The following FRRS1 variants were observed in gnomAD, a reference collection of about 807,000 sequenced individuals.
The protein encoded by FRRS1 is ferric reductase 1.
In FRRS1, 51 loss-of-function variants were observed where a neutral mutation model predicts 70.7. That is an observed-to-expected ratio of 0.72 (90% CI 0.58 to 0.91). The LOEUF is 0.91. Among genes scored for constraint, FRRS1 ranks in the 40% least tolerant of loss-of-function variants. The pLI is 0.00. For missense variants in FRRS1, 672 were observed against 726.0 expected (o/e 0.93, Z 0.86); for synonymous variants, 225 against 238.7 (o/e 0.94, Z 0.53).
At chr1:99,730,626 G>A (rs1655314846) in intron 7 of FRRS1, among the ~76,000 whole-genome samples, 1 of 152,084 alleles carries the variant, frequency 6.6e-6, no homozygotes. Flanking sequence ...CCAGCACTTT[G>A]GGAGGCCAAG....
Position 99,704,569 on chromosome 1 carries a change from A to AT in FRRS1, c.*4458_*4459insA, listed in dbSNP as rs1299064787. Among the ~76,000 whole-genome samples the AT allele has an allele frequency of 6.6e-6, 1 of 152,152 alleles. No individual in the cohort carries two copies. The highest frequency in any genetic ancestry group is 2.4e-5 in the African/African-American group (1 of 41,432). On this transcript the variant is annotated 3_prime_UTR_variant, in exon 17 of 17. Coordinates refer to ENST00000646001, the MANE Select transcript of FRRS1 (RefSeq NM_001361041.2). ...AGTGAGGACAGGCACCCCTGCCTTC[A>AT]GCGCCCAAATGTTGCATTTCCTAAG...
At chr1:99,763,577 G>A (rs528380133) in intron 1 of FRRS1, among the ~76,000 whole-genome samples, 4 of 152,116 alleles carry the variant, frequency 2.6e-5, no homozygotes, top group Non-Finnish European at 5.9e-5. Flanking sequence ...TTCTAGAAAT[G>A]TATCTTACAG....
chr1:99,758,625 G>C (rs549086094), intron 1 of FRRS1, among the ~76,000 whole-genome samples: 9 of 152,246 alleles, frequency 5.9e-5, no homozygotes, highest in Admixed American at 5.2e-4. Flanking sequence ...TGTTTGAACA[G>C]TATGAAATCA....
intron 9 of FRRS1, among the ~76,000 whole-genome samples, chr1:99,724,416 CAT>C (rs1654982404): frequency 6.6e-6 from 1 of 152,200 alleles, no homozygotes; most frequent in African/African-American, 2.4e-5. Context: ...CAGTATTTCA[CAT>C]GACTGCTTAT....
At chr1:99,762,181 A>G (rs1430267060) in intron 1 of FRRS1, among the ~76,000 whole-genome samples, 1 of 152,224 alleles carries the variant, frequency 6.6e-6, no homozygotes, top group Non-Finnish European at 1.5e-5. Flanking sequence ...CATGATTTGA[A>G]TTGGAGCAAT....
chr1:99,720,009 G>C (rs560903714), intron 9 of FRRS1, among the ~76,000 whole-genome samples: 2 of 152,050 alleles, frequency 1.3e-5, no homozygotes, highest in Non-Finnish European at 2.9e-5. Context: ...TATTGAAAGA[G>C]AATACATATT....
chr1:99,743,791 C>T (rs910861345), intron 4 of FRRS1, among the ~76,000 whole-genome samples: 13 of 152,268 alleles, frequency 8.5e-5, no homozygotes, highest in African/African-American at 3.1e-4. Context: ...CTCAAGCAAT[C>T]CACCAGCCTC....
chr1:99,712,510 T>C lies in FRRS1; in HGVS notation c.1329A>G (p.Ala443=). ...TACAGCCGAGGTATGGGTGGTAACCTGCATGCTAAACAAAGTTACATCATT... is the reference window on the plus strand; with the variant it reads ...TACAGCCGAGGTATGGGTGGTAACCCGCATGCTAAACAAAGTTACATCATT... ...FIYRGGWSRH[A]GYHPYLGCIV... The change falls in exon 13 of 17, where the codon GCA becomes GCG. Residue 443 remains alanine (A), a synonymous_variant. Transcript: ENST00000646001. 1.9e-6 allele frequency: 3 copies of C among 1,591,704 alleles called. No individual in the cohort carries two copies. Among genetic ancestry groups the C allele is most frequent in the Non-Finnish European group, 2.6e-6 (3 of 1,169,776 alleles).
rs1654107010 is a variant in FRRS1 at position 99,708,593 on chromosome 1, G to A, written c.*435C>T. ...AGCCTGGGCGACAGAGCAAGACTCT[G>A]TCTCAAAAAAAAAAAAAAAAAAAAA... On this transcript the variant is annotated 3_prime_UTR_variant, in exon 17 of 17. Coordinates refer to ENST00000646001, the MANE Select transcript of FRRS1 (RefSeq NM_001361041.2). The A allele has an allele frequency of 4.7e-5, 2 of 42,980 alleles. No individual in the cohort carries two copies. The highest frequency in any genetic ancestry group is 9.6e-4 in the East Asian group (1 of 1,042). The allele number at this position is 42,980 out of a possible 1,614,324, so 2.7% of individuals were successfully genotyped here.
At chr1:99,713,786 G>A (rs1455048807) in intron 12 of FRRS1, among the ~76,000 whole-genome samples, 1 of 152,112 alleles carries the variant, frequency 6.6e-6, no homozygotes, top group Admixed American at 6.5e-5. Context: ...TAGTAGTGTT[G>A]GAAGGGAGAT....
chr1:99,763,193 C>G (rs1053847740), intron 1 of FRRS1, among the ~76,000 whole-genome samples: 1 of 152,130 alleles, frequency 6.6e-6, no homozygotes, highest in African/African-American at 2.4e-5. Context: ...AATGTGCCAT[C>G]TGCTATTCCA....
At chr1:99,719,407 CAAAAAAAAA>C in intron 10 of FRRS1, 118 bp downstream of exon 10, 1 of 388,432 alleles carries the variant, frequency 2.6e-6, no homozygotes, top group Non-Finnish European at 4.3e-6. Flanking sequence ...GACTCCATCT[CAAAAAAAAA>C]AAAAAAAAAA....
chr1:99,735,339 T>G (rs997060929), intron 7 of FRRS1, among the ~76,000 whole-genome samples: 3 of 152,184 alleles, frequency 2.0e-5, no homozygotes, highest in Non-Finnish European at 4.4e-5. Flanking sequence ...CACATTTTGA[T>G]TTTAGTGATG....
intron 1 of FRRS1, chr1:99,765,543 G>C (rs1571168404): frequency 6.6e-6 from 1 of 152,154 alleles, no homozygotes; most frequent in Middle Eastern, 3.4e-3. Flanking sequence ...AGAGGTTGCA[G>C]TGAGCCGAAA....
intron 12 of FRRS1, among the ~76,000 whole-genome samples, chr1:99,714,034 G>T (rs1463576112): frequency 6.6e-6 from 1 of 152,138 alleles, no homozygotes; most frequent in East Asian, 1.9e-4. Context: ...GAAGGAGATG[G>T]ACTAGAAGGA....
chr1:99,713,431 T>A (rs1376382473), intron 12 of FRRS1, among the ~76,000 whole-genome samples: 1 of 152,224 alleles, frequency 6.6e-6, no homozygotes, highest in African/African-American at 2.4e-5. Context: ...TCTCAATTCA[T>A]ATCACAAAAT....
chr1:99,747,472 A>G, intron 3 of FRRS1, 42 bp from the exon 4 acceptor site: 3 of 1,577,656 alleles, frequency 1.9e-6, no homozygotes, highest in Middle Eastern at 3.4e-4. Context: ...GCTTAGTAAT[A>G]TCAAAAAAAA....
intron 12 of FRRS1, 104 bp downstream of exon 12, chr1:99,715,482 A>T (rs1435864816): frequency 1.6e-5 from 11 of 701,570 alleles, no homozygotes; most frequent in Non-Finnish European, 2.8e-5. Context: ...AGAAAGAGGG[A>T]TCAATGCTGA....
chr1:99,719,555 C>T lies in FRRS1; in HGVS notation c.1099G>A (p.Val367Ile). The change falls in exon 10 of 17, where the codon GTA (valine) becomes ATA (isoleucine). Residue 367 changes from valine to isoleucine, a missense_variant. Transcript: ENST00000646001. ...CTACCATGAACCTTCAGAAGGAGTA[C>T]AGAATGGGATCCTCCTATGTTCTTT... Reference protein sequence around the residue: ...SPKNIGGSHSVLLLKVHGALM... With the variant: ...SPKNIGGSHSILLLKVHGALM... The T allele has an allele frequency of 6.3e-7, 1 of 1,589,008 alleles. No homozygotes were observed.
Sources: allele counts gnomAD v4.1 joint callset (sites outside exome capture counted in the v4.1 genomes callset), GRCh38; gene constraint gnomAD v4.1.1; transcripts MANE v1.5; gene names NCBI Gene and HGNC (gene_info 2026-07-23, HGNC 2026-07-21).